The following SSBP3 variants were observed in gnomAD, a reference collection of about 807,000 sequenced individuals.
The protein encoded by SSBP3 is single-stranded DNA-binding protein 3.
In SSBP3, 5 loss-of-function variants were observed where a neutral mutation model predicts 69.6. That is an observed-to-expected ratio of 0.07 (90% CI 0.04 to 0.15). SSBP3 has a LOEUF of 0.15. SSBP3 is among the 10% of genes least tolerant of loss of function. The pLI, the probability that SSBP3 is intolerant of heterozygous loss-of-function variation, is 1.00. For missense variants in SSBP3, 312 were observed against 534.0 expected (o/e 0.58, Z 4.10); for synonymous variants, 196 against 193.4 (o/e 1.01, Z -0.11).
At chr1:54,380,796 CAG>C (rs944987425) in intron 4 of SSBP3, among the ~76,000 whole-genome samples, 1 of 152,126 alleles carries the variant, frequency 6.6e-6, no homozygotes, top group Non-Finnish European at 1.5e-5. Flanking sequence ...TCAAGTCTGA[CAG>C]AGTGTGGGCA....
At chr1:54,251,519 T>C in intron 9 of SSBP3, 97 bp downstream of exon 9, 1 of 1,310,946 alleles carries the variant, frequency 7.6e-7, no homozygotes, top group South Asian at 1.3e-5. Context: ...CCCTGCGAAC[T>C]GAGAGATGTG....
intron 4 of SSBP3, among the ~76,000 whole-genome samples, chr1:54,348,555 C>T (rs951554390): frequency 1.3e-5 from 2 of 152,196 alleles, no homozygotes; most frequent in Non-Finnish European, 2.9e-5. Context: ...CCACTTCCGT[C>T]CAGGGGTTGG....
At chr1:54,378,856 C>A (rs1647398796) in intron 4 of SSBP3, among the ~76,000 whole-genome samples, 1 of 152,212 alleles carries the variant, frequency 6.6e-6, no homozygotes, top group African/African-American at 2.4e-5. Flanking sequence ...CCCGCTTTAT[C>A]CTCCTCCGAG....
intron 4 of SSBP3, among the ~76,000 whole-genome samples, chr1:54,389,828 G>A (rs777343212): frequency 6.6e-6 from 1 of 151,890 alleles, no homozygotes; most frequent in African/African-American, 2.4e-5. Context: ...GCAGTGAGCC[G>A]AGATCATGCT....
intron 4 of SSBP3, among the ~76,000 whole-genome samples, chr1:54,306,447 G>T (rs1030181630): frequency 6.6e-6 from 1 of 152,154 alleles, no homozygotes; most frequent in Non-Finnish European, 1.5e-5. Flanking sequence ...CTGTGCAACA[G>T]AAGTAAAAAG....
intron 5 of SSBP3, among the ~76,000 whole-genome samples, chr1:54,271,831 G>A (rs1414438922): frequency 6.6e-6 from 1 of 152,156 alleles, no homozygotes; most frequent in Non-Finnish European, 1.5e-5. Flanking sequence ...ATGCAATGGT[G>A]TGATTTCAGC....
intron 4 of SSBP3, among the ~76,000 whole-genome samples, chr1:54,331,171 A>C (rs534954020): frequency 2.6e-5 from 4 of 152,312 alleles, no homozygotes; most frequent in East Asian, 1.9e-4. Flanking sequence ...ATATAGAAAG[A>C]AGCACAGGTA....
chr1:54,240,159 G>C (rs1644603971), intron 13 of SSBP3, among the ~76,000 whole-genome samples: 1 of 149,868 alleles, frequency 6.7e-6, no homozygotes, highest in South Asian at 2.1e-4. Context: ...GCCCTCTTTT[G>C]TTTAAAGAAA....
intron 4 of SSBP3, among the ~76,000 whole-genome samples, chr1:54,287,720 T>G (rs1257067936): frequency 6.6e-6 from 1 of 150,396 alleles, no homozygotes; most frequent in African/African-American, 2.4e-5. Flanking sequence ...AAATCAGGAA[T>G]GGAAGCGACC....
chr1:54,266,056 G>C (rs1645096458), intron 5 of SSBP3, among the ~76,000 whole-genome samples: 1 of 152,262 alleles, frequency 6.6e-6, no homozygotes, highest in Non-Finnish European at 1.5e-5. Flanking sequence ...CAAACGAAAA[G>C]TATAGGCAGC....
At chr1:54,310,236 T>C (rs1400011244) in intron 4 of SSBP3, among the ~76,000 whole-genome samples, 1 of 152,110 alleles carries the variant, frequency 6.6e-6, no homozygotes, top group Non-Finnish European at 1.5e-5. Flanking sequence ...ACACCCTCTC[T>C]GGGATGATTC....
intron 4 of SSBP3, among the ~76,000 whole-genome samples, chr1:54,320,768 G>A (rs1407018509): frequency 6.6e-6 from 1 of 152,178 alleles, no homozygotes; most frequent in Non-Finnish European, 1.5e-5. Flanking sequence ...AAGAGAAGGA[G>A]AGCAGATAAG....
chr1:54,310,331 C>T (rs1425830378), intron 4 of SSBP3, among the ~76,000 whole-genome samples: 4 of 152,028 alleles, frequency 2.6e-5, no homozygotes, highest in Non-Finnish European at 5.9e-5. Flanking sequence ...GAGGAGAGCT[C>T]TTTTAAAAAA....
intron 7 of SSBP3, among the ~76,000 whole-genome samples, chr1:54,252,752 G>A (rs1432937463): frequency 6.6e-6 from 1 of 152,262 alleles, no homozygotes; most frequent in Non-Finnish European, 1.5e-5. Flanking sequence ...ACTGGAAAAA[G>A]AGAGTAGGAG....
intron 14 of SSBP3, among the ~76,000 whole-genome samples, chr1:54,232,682 C>T (rs1279110069): frequency 6.7e-6 from 1 of 149,952 alleles, no homozygotes; most frequent in African/African-American, 2.5e-5. Context: ...CAGCTCACTG[C>T]AACCTCCCTG....
chr1:54,272,578 A>G (rs900112394), intron 5 of SSBP3, among the ~76,000 whole-genome samples: 2 of 151,900 alleles, frequency 1.3e-5, no homozygotes, highest in South Asian at 2.1e-4. Flanking sequence ...TCAGTCAGCT[A>G]TGAAGAGACA....
chr1:54,255,781 C>T (rs1266266611), intron 7 of SSBP3: 1 of 152,028 alleles, frequency 6.6e-6, no homozygotes, highest in African/African-American at 2.4e-5. Context: ...AGCATTAAAG[C>T]TGGAGAGCTG....
intron 4 of SSBP3, among the ~76,000 whole-genome samples, chr1:54,348,167 C>G (rs1646719668): frequency 6.7e-6 from 1 of 148,246 alleles, no homozygotes; most frequent in African/African-American, 2.5e-5. Context: ...GCGGACTCTG[C>G]CCCTCAGTCC....
chr1:54,281,356 C>T (rs1275157370), intron 5 of SSBP3, 82 bp downstream of exon 5: 1 of 1,181,612 alleles, frequency 8.5e-7, no homozygotes, highest in African/African-American at 1.5e-5. Flanking sequence ...GAGCTACTTA[C>T]TTCTCTCCCG....
Sources: allele counts gnomAD v4.1 joint callset (sites outside exome capture counted in the v4.1 genomes callset), GRCh38; gene constraint gnomAD v4.1.1; transcripts MANE v1.5; gene names NCBI Gene and HGNC (gene_info 2026-07-23, HGNC 2026-07-21).